THUMPD2: variants seen among roughly 807,000 people sequenced by gnomAD.
THUMPD2 encodes U6 snRNA (guanine-N(2))-methyltransferase THUMPD2.
Under a neutral mutation model 49.4 loss-of-function variants are expected in THUMPD2, and 56 were observed. The observed-to-expected ratio is 1.13, with a 90% confidence interval of 0.91 to 1.41. The LOEUF (loss-of-function observed/expected upper bound fraction) is 1.41, where lower values mean the gene tolerates loss of function less well. Among genes scored for constraint, THUMPD2 ranks in the 40% most tolerant of loss-of-function variants. The pLI, the probability that THUMPD2 is intolerant of heterozygous loss-of-function variation, is 0.00. For synonymous variants in THUMPD2, 237 were observed against 205.2 expected (o/e 1.15, Z -1.32); for missense variants, 709 against 594.5 (o/e 1.19, Z -2.00).
rs531483131 is a variant in THUMPD2 at position 39,736,579 on chromosome 2, T to G, written c.*156A>C. ...ACTTTAGAATATAAAGCAGAAACTCTTACCAAGCATGTGTACCCATCAGCC... is the reference window on the plus strand; with the variant it reads ...ACTTTAGAATATAAAGCAGAAACTCGTACCAAGCATGTGTACCCATCAGCC... On this transcript the variant is annotated 3_prime_UTR_variant, in exon 10 of 10. Coordinates refer to ENST00000505747, the MANE Select transcript of THUMPD2 (RefSeq NM_025264.5). 18 of 554,070 alleles carry G rather than the reference T, an allele frequency of 3.2e-5. No individual in the cohort carries two copies. Among genetic ancestry groups the G allele is most frequent in the African/African-American group, 3.0e-4 (16 of 53,426 alleles). The allele number at this position is 554,070 out of a possible 1,614,324, so 34.3% of individuals were successfully genotyped here.
chr2:39,754,025 C>G (rs1019664925), intron 8 of THUMPD2, among the ~76,000 whole-genome samples: 1 of 152,026 alleles, frequency 6.6e-6, no homozygotes, highest in Non-Finnish European at 1.5e-5. Context: ...AAAATGCCCC[C>G]TAAAGTGAAA....
chr2:39,766,979 A>G (rs1677605778), intron 4 of THUMPD2, among the ~76,000 whole-genome samples: 1 of 152,190 alleles, frequency 6.6e-6, no homozygotes, highest in African/African-American at 2.4e-5. Flanking sequence ...AATTTATTCT[A>G]AAGATACGAC....
At position 39,755,399 on chromosome 2, in the gene THUMPD2, T is replaced by C. The variant is rs550205144; in HGVS notation, c.974A>G (p.Tyr325Cys). ...EAAKEWPDVY[Y>C]VGADVSDSQL... is the part of the protein sequence containing the mutation. ...TGAGTCGCTGACATCAGCACCTACA[T>C]AATACACATCCTATGGGGAAATAAA... The change falls in exon 8 of 10, where the codon TAT (tyrosine) becomes TGT (cysteine). Residue 325 changes from tyrosine (Y) to cysteine (C), a missense_variant. Coordinates refer to ENST00000505747, the MANE Select transcript of THUMPD2 (RefSeq NM_025264.5). The C allele has an allele frequency of 5.7e-5, 89 of 1,563,572 alleles. 1 individual carries two copies. Among genetic ancestry groups the C allele is most frequent in the South Asian group, 4.9e-4 (41 of 83,532 alleles).
Position 39,736,974 on chromosome 2 carries a change from G to A in THUMPD2, c.1273C>T (p.Pro425Ser). ...RLTDCKESNI[P>S]FNSKDSHTDE... ...GTGTGACTGTCCTTGGAATTGAAAG[G>A]GATGTTGCTCTCTTTACAATCTGTA... The change falls in exon 10 of 10, where the codon CCT becomes TCT. Residue 425 changes from proline (P) to serine (S), a missense_variant. Pro to Ser is a moderately conservative substitution (Grantham distance 74). Transcript: ENST00000505747. 1 of 1,614,008 alleles carries A rather than the reference G, an allele frequency of 6.2e-7. No individual in the cohort carries two copies. Among genetic ancestry groups the A allele is most frequent in the South Asian group, 1.1e-5 (1 of 91,078 alleles).
intron 8 of THUMPD2, among the ~76,000 whole-genome samples, chr2:39,752,505 A>C (rs760637782): frequency 1.3e-4 from 20 of 152,332 alleles, no homozygotes; most frequent in Non-Finnish European, 2.8e-4. Flanking sequence ...TGAAGAAAAT[A>C]AACGCTTTTA....
chr2:39,768,690 C>T, intron 3 of THUMPD2, 189 bp from the exon 4 acceptor site: 1 of 673,172 alleles, frequency 1.5e-6, no homozygotes, highest in African/African-American at 1.8e-5. Flanking sequence ...ATTTTACCTG[C>T]CCTAGCCCCC....
intron 8 of THUMPD2, among the ~76,000 whole-genome samples, chr2:39,751,530 C>T (rs1231908727): frequency 6.6e-6 from 1 of 152,042 alleles, no homozygotes; most frequent in Non-Finnish European, 1.5e-5. Flanking sequence ...CTATCTTATA[C>T]TGAGAATGTA....
chr2:39,746,783 C>A (rs1674649500), intron 8 of THUMPD2, among the ~76,000 whole-genome samples: 2 of 152,102 alleles, frequency 1.3e-5, no homozygotes, highest in South Asian at 4.1e-4. Flanking sequence ...ATTTATGGGC[C>A]TTCAAGATGT....
intron 8 of THUMPD2, among the ~76,000 whole-genome samples, chr2:39,745,389 G>A (rs889025186): frequency 3.9e-4 from 60 of 152,120 alleles, no homozygotes; most frequent in African/African-American, 1.4e-3. Flanking sequence ...AATAGAAGAA[G>A]AGTAGATTGT....
At chr2:39,745,947 C>T (rs763199106) in intron 8 of THUMPD2, among the ~76,000 whole-genome samples, 2 of 151,106 alleles carry the variant, frequency 1.3e-5, no homozygotes, top group Non-Finnish European at 2.9e-5. Context: ...GGCTCTGCTG[C>T]TCACTAACTG....
chr2:39,737,087 T>C (rs1320441303), intron 9 of THUMPD2, 28 bp from the exon 10 acceptor site: 1 of 1,562,084 alleles, frequency 6.4e-7, no homozygotes, highest in Non-Finnish European at 8.7e-7. Flanking sequence ...TGGTAATTGC[T>C]ATCTTTCTCC....
chr2:39,743,235 T>C (rs2148183080), intron 9 of THUMPD2, among the ~76,000 whole-genome samples: 1 of 152,338 alleles, frequency 6.6e-6, no homozygotes, highest in Admixed American at 6.5e-5. Flanking sequence ...AATTCCCAGC[T>C]AGACAATTTA....
At chr2:39,754,974 T>G (rs148114470) in intron 8 of THUMPD2, among the ~76,000 whole-genome samples, 25 of 152,352 alleles carry the variant, frequency 1.6e-4, no homozygotes, top group African/African-American at 6.0e-4. Flanking sequence ...TACACTGCTT[T>G]CTTTATGGCT....
intron 1 of THUMPD2, 52 bp from the exon 2 acceptor site, chr2:39,771,692 A>G (rs372034523): frequency 1.8e-5 from 27 of 1,539,718 alleles, no homozygotes; most frequent in Admixed American, 4.5e-5. Context: ...TGAAAAAACC[A>G]TATTTTTTCC....
At chr2:39,745,375 G>A (rs1241980889) in intron 8 of THUMPD2, among the ~76,000 whole-genome samples, 1 of 151,988 alleles carries the variant, frequency 6.6e-6, no homozygotes, top group Non-Finnish European at 1.5e-5. Flanking sequence ...CCTTATGTGG[G>A]GTTAATAGAA....
intron 1 of THUMPD2, among the ~76,000 whole-genome samples, chr2:39,772,737 A>G (rs551114257): frequency 6.6e-6 from 1 of 152,290 alleles, no homozygotes; most frequent in East Asian, 1.9e-4. Flanking sequence ...GTGGCCACCA[A>G]TTGAATAACA....
intron 9 of THUMPD2, among the ~76,000 whole-genome samples, chr2:39,742,941 G>A (rs1451070829): frequency 6.6e-6 from 1 of 152,162 alleles, no homozygotes; most frequent in Non-Finnish European, 1.5e-5. Flanking sequence ...AATTATAGGT[G>A]CTGTCCAGAA....
chr2:39,774,286 G>T (rs551771230), intron 1 of THUMPD2, among the ~76,000 whole-genome samples: 1 of 152,180 alleles, frequency 6.6e-6, no homozygotes. Flanking sequence ...TGTATGTATA[G>T]ATTACATTTA....
rs1572871047 is a variant in THUMPD2, at chr2:39,769,969, C to T, written c.413G>A (p.Gly138Glu). The change falls in exon 3 of 10, where the codon GGA becomes GAA. Residue 138 changes from glycine (G) to glutamate (E), a missense_variant. Coordinates refer to ENST00000505747, the MANE Select transcript of THUMPD2 (RefSeq NM_025264.5). ...TTTCTTTGCAATGATTTCATTTTCT[C>T]CCACTTTTCTTTTTAGTTGGTTATC... Reference protein sequence around the residue: ...RDDNQLKRKVGENEIIAKKLK... With the variant: ...RDDNQLKRKVEENEIIAKKLK... The T allele has an allele frequency of 1.3e-6, 2 of 1,580,732 alleles. No homozygotes were observed. Among genetic ancestry groups the T allele is most frequent in the Non-Finnish European group, 8.5e-7 (1 of 1,170,792 alleles).
Sources: gnomAD v4.1 joint callset for allele counts (sites outside exome capture counted in the v4.1 genomes callset) on GRCh38, gnomAD v4.1.1 for gene constraint, MANE v1.5 for transcripts, NCBI Gene and HGNC (gene_info 2026-07-23, HGNC 2026-07-21) for gene names.